CARD19: variants seen among roughly 807,000 people sequenced by gnomAD.
The protein encoded by CARD19 is caspase recruitment domain-containing protein 19.
In CARD19, 25 loss-of-function variants were observed where a neutral mutation model predicts 24.1. The observed-to-expected ratio is 1.04, with a 90% CI of 0.76 to 1.45. The LOEUF (loss-of-function observed/expected upper bound fraction) is 1.45, where lower values mean the gene tolerates loss of function less well. Ranked by LOEUF, CARD19 falls within the 40% of genes most tolerant of loss-of-function variation. The probability of loss-of-function intolerance (pLI) is 0.00; values close to 1 mark genes in which losing one functional copy is unlikely to be tolerated. For missense variants in CARD19, 241 were observed against 247.4 expected, an observed-to-expected ratio of 0.97 and a Z score of 0.17; for synonymous variants, 103 against 104.9, an observed-to-expected ratio of 0.98 and a Z score of 0.11.
chr9:93,104,657 T>A (rs12379245), intron 1 of CARD19, among the ~76,000 whole-genome samples: 25,844 of 152,214 alleles, frequency 0.17, 2,817 homozygotes, highest in Middle Eastern at 0.27. Context: ...GGTCAGATTT[T>A]CTATTTCTTC....
At chr9:93,111,237 G>C in intron 3 of CARD19, 2 of 1,177,018 alleles carry the variant, frequency 1.7e-6, no homozygotes, top group Non-Finnish European at 2.1e-6. Flanking sequence ...TCAGTTTTGA[G>C]GCTCCTGTCC....
At chr9:93,101,351 T>G (rs1168698675) in intron 1 of CARD19, among the ~76,000 whole-genome samples, 1 of 152,162 alleles carries the variant, frequency 6.6e-6, no homozygotes, top group East Asian at 1.9e-4. Context: ...AGTGCTGGGA[T>G]GACAGGTGTG....
intron 2 of CARD19, chr9:93,110,072 C>A (rs1827401989): frequency 6.2e-6 from 1 of 161,274 alleles, no homozygotes; most frequent in South Asian, 1.5e-4. Context: ...TAGCTCACTG[C>A]AAGCTCCGCC....
At chr9:93,110,276 TG>T (rs778687844) in intron 2 of CARD19, 1 of 389,168 alleles carries the variant, frequency 2.6e-6, no homozygotes. Flanking sequence ...ATTACAGGCA[TG>T]AGCCACCGCA....
At chr9:93,106,759 C>T (rs1023517708) in intron 1 of CARD19, among the ~76,000 whole-genome samples, 4 of 151,494 alleles carry the variant, frequency 2.6e-5, no homozygotes, top group Admixed American at 2.6e-4. Context: ...ATTTAGAGTC[C>T]CTTCTCAGTT....
intron 1 of CARD19, among the ~76,000 whole-genome samples, chr9:93,099,378 A>C (rs1167323311): frequency 6.6e-6 from 1 of 152,202 alleles, no homozygotes; most frequent in Non-Finnish European, 1.5e-5. Flanking sequence ...GAACGTCTGA[A>C]TATCAAGAGG....
intron 2 of CARD19, 123 bp from the exon 3 acceptor site, chr9:93,110,445 T>C: frequency 6.8e-7 from 1 of 1,472,834 alleles, no homozygotes; most frequent in Non-Finnish European, 9.0e-7. Flanking sequence ...GGAGCTGCCA[T>C]CCAGCAGGTG....
chr9:93,110,785 C>T (rs150948088), intron 3 of CARD19, 64 bp downstream of exon 3: 130 of 1,555,602 alleles, frequency 8.4e-5, no homozygotes, highest in African/African-American at 5.2e-4. Context: ...CCCAGCCTGC[C>T]GTTGATGGCA....
At chr9:93,099,552 G>A (rs184492877) in intron 1 of CARD19, among the ~76,000 whole-genome samples, 1 of 152,216 alleles carries the variant, frequency 6.6e-6, no homozygotes, top group Non-Finnish European at 1.5e-5. Context: ...GAAGGATGAA[G>A]GTTGTAGGTG....
In CARD19 at chr9:93,096,839, C is replaced by G. The variant is rs1397618409; in HGVS notation, c.7+487C>G. ...CAGCGAGGTCGCGGGACAGGCGATG[C>G]GTTCCTCGGCGGCATGTGATTCCTG... On this transcript the variant is annotated intron_variant, in intron 1 of 5. Transcript: ENST00000375464. This position sits in a 1 kb window ranked among gnomAD's most constrained non-coding sequence, Gnocchi z 5.4. Among the ~76,000 whole-genome samples the G allele has an allele frequency of 6.6e-6, 1 of 152,224 alleles. No homozygotes were observed. Among genetic ancestry groups the G allele is most frequent in the East Asian group, 1.9e-4 (1 of 5,196 alleles).
chr9:93,098,512 G>C (rs1042114581), intron 1 of CARD19, among the ~76,000 whole-genome samples: 1 of 152,210 alleles, frequency 6.6e-6, no homozygotes, highest in Non-Finnish European at 1.5e-5. Context: ...AGGGGATGTA[G>C]GGCGTGGTGA....
At chr9:93,101,554 C>G (rs1237236158) in intron 1 of CARD19, among the ~76,000 whole-genome samples, 4 of 151,984 alleles carry the variant, frequency 2.6e-5, no homozygotes, top group Non-Finnish European at 5.9e-5. Context: ...ATTCTCCTGC[C>G]TCAGCCTCCC....
At chr9:93,103,569 G>A (rs1229639487) in intron 1 of CARD19, among the ~76,000 whole-genome samples, 1 of 152,198 alleles carries the variant, frequency 6.6e-6, no homozygotes, top group Non-Finnish European at 1.5e-5. Flanking sequence ...GGAAACTGCA[G>A]AGATAGAGTG....
intron 1 of CARD19, among the ~76,000 whole-genome samples, chr9:93,104,451 C>G (rs749341670): frequency 4.0e-5 from 4 of 99,382 alleles, no homozygotes; most frequent in Non-Finnish European, 1.0e-4. Flanking sequence ...ATGAAGTGTT[C>G]TCTCGTCTTC....
chr9:93,098,478 C>A (rs1423287329), intron 1 of CARD19, among the ~76,000 whole-genome samples: 1 of 152,162 alleles, frequency 6.6e-6, no homozygotes, highest in African/African-American at 2.4e-5. Flanking sequence ...GTCCATAGTC[C>A]TGGTGCCAGC....
chr9:93,111,005 C>T lies in CARD19; in HGVS notation c.304+284C>T, dbSNP rs141048598. 2.6e-4 allele frequency: 384 copies of T among 1,481,214 alleles called. 8 individuals carry two copies. In the East Asian group the frequency reaches 9.9e-3, roughly 38 times the overall value. 91.8% of individuals were successfully genotyped at this position (1,481,214 alleles called of 1,614,324 possible). Reference sequence around the variant, plus strand: ...TTCACACAGCATGGGGCATCTTATACGTCCACTCTTGCCCTTCCTTTTCTA... The same window carrying T: ...TTCACACAGCATGGGGCATCTTATATGTCCACTCTTGCCCTTCCTTTTCTA... On this transcript the variant is annotated intron_variant, in intron 3 of 5. Transcript: ENST00000375464.
At chr9:93,098,339 G>A (rs1826956438) in intron 1 of CARD19, among the ~76,000 whole-genome samples, 1 of 152,234 alleles carries the variant, frequency 6.6e-6, no homozygotes. Flanking sequence ...AGCCTGGGCT[G>A]AGATGTCTTG....
chr9:93,100,319 G>C (rs775411040), intron 1 of CARD19, among the ~76,000 whole-genome samples: 19 of 152,174 alleles, frequency 1.2e-4, no homozygotes, highest in Non-Finnish European at 2.4e-4. Context: ...TTTTGTTTTT[G>C]GTTTTTTCTT....
intron 1 of CARD19, among the ~76,000 whole-genome samples, chr9:93,097,873 C>G (rs1407849761): frequency 1.3e-5 from 2 of 152,252 alleles, no homozygotes; most frequent in Non-Finnish European, 2.9e-5. Context: ...ACTCACTGGG[C>G]CTGGAGACAT....
Sources: gnomAD v4.1 joint callset for allele counts (sites outside exome capture counted in the v4.1 genomes callset) on GRCh38, gnomAD v4.1.1 for gene constraint, Gnocchi (gnomAD v3.1) non-coding constraint, MANE v1.5 for transcripts, NCBI Gene and HGNC (gene_info 2026-07-23, HGNC 2026-07-21) for gene names.